Variants in AHR observed in about 807,000 individuals in gnomAD.
The protein encoded by AHR is aryl hydrocarbon receptor, also known as AH-receptor.
A neutral mutation model predicts 86.8 loss-of-function variants in AHR; 40 were observed. That is an observed-to-expected ratio of 0.46 (90% CI 0.36 to 0.60). The LOEUF (loss-of-function observed/expected upper bound fraction) is 0.60, where lower values mean the gene tolerates loss of function less well. Ranked by LOEUF, AHR falls within the 20% of genes least tolerant of loss-of-function variation. The probability of loss-of-function intolerance (pLI) is 0.00; values close to 1 mark genes in which losing one functional copy is unlikely to be tolerated. For synonymous variants in AHR, 398 were observed against 354.9 expected, an observed-to-expected ratio of 1.12 and a Z score of -1.37; for missense variants, 1,001 against 1,011.6, an observed-to-expected ratio of 0.99 and a Z score of 0.14.
rs1003562565 is a variant in AHR, at chr7:17,315,079, A to G, written c.253+4956A>G. Among the ~76,000 whole-genome samples, 9 of 152,164 alleles carry G rather than the reference A, an allele frequency of 5.9e-5. No homozygotes were observed. In the East Asian group the frequency reaches 1.2e-3, roughly 20 times the overall value. On this transcript the variant is annotated intron_variant, in intron 2 of 10. Transcript: ENST00000242057. Reference sequence around the variant, plus strand: ...ATATTCATGATAACTTTCATAGCTAAAACTATATAAACCTAGGTTCTTTTA... The same window carrying G: ...ATATTCATGATAACTTTCATAGCTAGAACTATATAAACCTAGGTTCTTTTA...
chr7:17,337,854 CCT>C (rs906485804), intron 9 of AHR, among the ~76,000 whole-genome samples: 1 of 151,896 alleles, frequency 6.6e-6, no homozygotes, highest in African/African-American at 2.4e-5. Flanking sequence ...GAGTTGTTTG[CCT>C]CTCTCTCAGA....
intron 2 of AHR, among the ~76,000 whole-genome samples, chr7:17,321,809 C>T (rs537742068): frequency 6.6e-6 from 1 of 151,994 alleles, no homozygotes; most frequent in African/African-American, 2.4e-5. Flanking sequence ...TTTTTGTAGA[C>T]AACTTTAAAA....
Position 17,330,786 on chromosome 7 carries a change from G to C in AHR, c.605G>C (p.Cys202Ser), listed in dbSNP as rs756019842. The C allele has an allele frequency of 1.2e-6, 2 of 1,612,262 alleles. No individual in the cohort carries two copies. The highest frequency in any genetic ancestry group is 2.2e-5 in the South Asian group (2 of 90,970). Residue 202 changes from cysteine to serine, a missense_variant, in exon 6 of 11, where the codon TGT becomes TCT. By Grantham distance (112) the Cys-to-Ser change is moderately radical. This residue lies in a region of AHR where 394 missense variants were observed against 468.5 expected (regional missense o/e 0.84). Coordinates refer to ENST00000242057, the MANE Select transcript of AHR (RefSeq NM_001621.5). ...ACTGGTCTCCCCCAGACAGTAGTCT[G>C]TTATAACCCAGACCAGATTCCTCCA... is the stretch of plus-strand genomic sequence containing the variant. Reference protein sequence around the residue: ...EATGLPQTVVCYNPDQIPPEN... With the variant: ...EATGLPQTVVSYNPDQIPPEN...
chr7:17,339,442 G>C lies in AHR; in HGVS notation c.1617G>C (p.Leu539Phe). ...GLFQDSKNSDLYSIMKNLGID... is the reference protein window; with the variant it reads ...GLFQDSKNSDFYSIMKNLGID... ...TTCAAGATAGTAAAAACAGTGACTT[G>C]TACAGCATAATGAAAAACCTAGGCA... Residue 539 changes from leucine (L) to phenylalanine (F), a missense_variant, in exon 10 of 11, where the codon TTG becomes TTC. Leu to Phe is a conservative substitution (Grantham distance 22). Transcript: ENST00000242057. 6.2e-7 allele frequency: 1 copy of C among 1,614,146 alleles called. No individual in the cohort carries two copies. The highest frequency in any genetic ancestry group is 1.3e-5 in the African/African-American group (1 of 75,034).
At chr7:17,316,240 A>G (rs180785437) in intron 2 of AHR, among the ~76,000 whole-genome samples, 1 of 152,348 alleles carries the variant, frequency 6.6e-6, no homozygotes, top group East Asian at 1.9e-4. Flanking sequence ...ACAGAAAAAT[A>G]ATAACACTAG....
At chr7:17,312,719 A>G (rs1347318481) in intron 2 of AHR, among the ~76,000 whole-genome samples, 2 of 152,298 alleles carry the variant, frequency 1.3e-5, no homozygotes, top group East Asian at 3.9e-4. Context: ...TGACAGTAGG[A>G]TCTTATTACC....
At chr7:17,302,626 T>C (rs2115349311) in intron 1 of AHR, among the ~76,000 whole-genome samples, 1 of 152,012 alleles carries the variant, frequency 6.6e-6, no homozygotes, top group South Asian at 2.1e-4. Flanking sequence ...TGAAAGTGTT[T>C]AGTTATAGGT....
At chr7:17,301,685 C>T (rs1356567093) in intron 1 of AHR, among the ~76,000 whole-genome samples, 3 of 151,788 alleles carry the variant, frequency 2.0e-5, no homozygotes, top group Non-Finnish European at 4.4e-5. Flanking sequence ...CCCCTAGTGG[C>T]GGCTCTCACA....
intron 9 of AHR, among the ~76,000 whole-genome samples, chr7:17,337,505 C>G (rs866864357): frequency 1.4e-5 from 2 of 143,546 alleles, no homozygotes; most frequent in South Asian, 4.4e-4. Context: ...GATGGAGTCT[C>G]GCTCTGTCGC....
intron 8 of AHR, 110 bp from the exon 9 acceptor site, chr7:17,335,535 G>T: frequency 2.4e-6 from 2 of 850,804 alleles, no homozygotes; most frequent in Non-Finnish European, 3.4e-6. Context: ...ATTGTCTTTG[G>T]GGATAAAGGA....
Position 17,335,754 on chromosome 7 carries a change from A to G in AHR, c.1128A>G (p.Pro376=), listed in dbSNP as rs1462978468. The G allele has an allele frequency of 1.9e-6, 3 of 1,613,154 alleles. No homozygotes were observed. Among genetic ancestry groups the G allele is most frequent in the Admixed American group, 3.3e-5 (2 of 59,884 alleles). ...NARLLYKNGR[P]DYIIVTQRPL... is the part of the protein sequence containing the mutation. ...GCCTGCTTTATAAAAATGGAAGACC[A>G]GATTATATCATTGTAACTCAGAGAC... Residue 376 remains proline (P), a synonymous_variant, in exon 9 of 11, where the codon CCA becomes CCG. Transcript: ENST00000242057.
chr7:17,326,536 G>A (rs1270194385), intron 3 of AHR, among the ~76,000 whole-genome samples: 1 of 152,104 alleles, frequency 6.6e-6, no homozygotes, highest in African/African-American at 2.4e-5. Context: ...CTCAAAGCAT[G>A]GTGATATAAA....
chr7:17,326,890 A>C (rs1204193355), intron 3 of AHR, among the ~76,000 whole-genome samples: 1 of 152,134 alleles, frequency 6.6e-6, no homozygotes, highest in Non-Finnish European at 1.5e-5. Flanking sequence ...AATTGAACTC[A>C]AGGAGAAAAT....
intron 2 of AHR, among the ~76,000 whole-genome samples, chr7:17,322,046 T>C (rs1468049060): frequency 6.6e-6 from 1 of 151,952 alleles, no homozygotes; most frequent in Non-Finnish European, 1.5e-5. Flanking sequence ...GTTGCTTTTT[T>C]TCTCCTCACC....
chr7:17,332,253 T>C (rs1049989756), intron 6 of AHR, among the ~76,000 whole-genome samples: 15 of 152,026 alleles, frequency 9.9e-5, no homozygotes, highest in African/African-American at 3.6e-4. Context: ...TAAATCACTA[T>C]GTATTTACTA....
At chr7:17,336,157 C>G (rs1221292536) in intron 9 of AHR, 1 of 159,104 alleles carries the variant, frequency 6.3e-6, no homozygotes, top group African/African-American at 2.4e-5. Flanking sequence ...CAGATGAGTC[C>G]TTTATCAAAT....
At chr7:17,319,380 G>T (rs1008426151) in intron 2 of AHR, among the ~76,000 whole-genome samples, 4 of 152,010 alleles carry the variant, frequency 2.6e-5, no homozygotes, top group Non-Finnish European at 5.9e-5. Flanking sequence ...CAAAGTGGGC[G>T]GTGGCTAATA....
chr7:17,324,536 C>T (rs1056379929), intron 3 of AHR, among the ~76,000 whole-genome samples: 1 of 152,174 alleles, frequency 6.6e-6, no homozygotes, highest in Admixed American at 6.5e-5. Context: ...GGTGCGGTGG[C>T]TCACGCCTGT....
At chr7:17,314,004 A>G (rs140430305) in intron 2 of AHR, among the ~76,000 whole-genome samples, 4 of 152,216 alleles carry the variant, frequency 2.6e-5, no homozygotes, top group African/African-American at 9.6e-5. Context: ...CTTTAATACA[A>G]TTTTTAATGA....
Sources: allele counts gnomAD v4.1 joint callset (sites outside exome capture counted in the v4.1 genomes callset), GRCh38; gene constraint gnomAD v4.1.1; regional missense constraint gnomAD v4.1.1; transcripts MANE v1.5; gene names NCBI Gene and HGNC (gene_info 2026-07-23, HGNC 2026-07-21).